Variants in RASAL1 observed in about 807,000 individuals in gnomAD.
RASAL1 encodes the protein RAS protein activator like 1.
RASAL1 carries 72 observed loss-of-function variants against 96.6 expected under a neutral mutation model. The observed-to-expected ratio is 0.75, with a 90% CI of 0.62 to 0.91. RASAL1 has a LOEUF of 0.91. Ranked by LOEUF, RASAL1 falls within the 40% of genes least tolerant of loss-of-function variation. The pLI, the probability that RASAL1 is intolerant of heterozygous loss-of-function variation, is 0.00. For synonymous variants in RASAL1, 405 were observed against 430.4 expected (o/e 0.94, Z 0.73); for missense variants, 1,016 against 1,072.5 (o/e 0.95, Z 0.74).
In RASAL1 at chr12:113,129,632, CAA is replaced by C. The variant is rs1951627810; in HGVS notation, c.122+1251_122+1252del. ...AAAGACACACCCACATTTGTGGATG[CAA>C]AGTTTGGTTCTCATACCTGTTGCTC... On this transcript the variant is annotated intron_variant, in intron 2 of 20. Transcript: ENST00000548055. This position sits in a 1 kb window ranked among gnomAD's most constrained non-coding sequence, Gnocchi z 5.0. Among the ~76,000 whole-genome samples, 1 of 152,186 alleles carries C rather than the reference CAA, an allele frequency of 6.6e-6. No individual in the cohort carries two copies.
intron 14 of RASAL1, chr12:113,107,496 G>A (rs1007290205): frequency 5.1e-5 from 30 of 585,128 alleles, no homozygotes; most frequent in Non-Finnish European, 4.2e-5. Flanking sequence ...GGTGGCTCAC[G>A]CCTGTAAATC....
chr12:113,127,885 C>T lies in RASAL1; in HGVS notation c.237-12G>A, dbSNP rs780575788. ...TGATGTCGTCGTGCCTGCAGGAAGG[C>T]GGGCACGTGAAGGTCTGAGTCAGGG... On this transcript the variant is annotated splice_polypyrimidine_tract_variant and intron_variant, in intron 3 of 20. Transcript: ENST00000548055. 9.3e-6 allele frequency: 15 copies of T among 1,612,472 alleles called. No homozygotes were observed. Among genetic ancestry groups the T allele is most frequent in the East Asian group, 4.5e-5 (2 of 44,826 alleles).
rs769890741 is a variant in RASAL1 at position 113,099,986 on chromosome 12, G to A, written c.2361C>T (p.His787=). ...LEVLADLDRA[H]EEFQQQERGK... ...CTCGCTCCTGCTGCTGGAACTCCTCGTGGGCACGATCCAGGTCTGCGAGCA... is the reference window on the plus strand; with the variant it reads ...CTCGCTCCTGCTGCTGGAACTCCTCATGGGCACGATCCAGGTCTGCGAGCA... The change falls in exon 21 of 21, where the codon CAC becomes CAT. Residue 787 remains histidine (H), a synonymous_variant. Coordinates refer to ENST00000548055, the MANE Select transcript of RASAL1 (RefSeq NM_001301202.2). The A allele has an allele frequency of 6.3e-5, 101 of 1,613,732 alleles. No homozygotes were observed. Among genetic ancestry groups the A allele is most frequent in the Middle Eastern group, 1.7e-4 (1 of 6,050 alleles).
At chr12:113,108,742 G>A (rs938257190) in intron 13 of RASAL1, among the ~76,000 whole-genome samples, 38 of 152,204 alleles carry the variant, frequency 2.5e-4, no homozygotes, top group African/African-American at 9.2e-4. Context: ...GGCCCAGCAA[G>A]GGAAAGTCCC....
intron 4 of RASAL1, among the ~76,000 whole-genome samples, chr12:113,124,412 G>A (rs760182919): frequency 6.6e-6 from 1 of 152,150 alleles, no homozygotes. Flanking sequence ...CATGCTTGCA[G>A]ACACATGGAC....
intron 12 of RASAL1, among the ~76,000 whole-genome samples, chr12:113,113,818 G>T (rs879351161): frequency 7.2e-5 from 11 of 152,140 alleles, no homozygotes; most frequent in Non-Finnish European, 1.2e-4. Context: ...CCCACGGAGG[G>T]GTGGAATGAC....
chr12:113,121,779 T>A, intron 4 of RASAL1, 141 bp from the exon 5 acceptor site: 1 of 1,008,516 alleles, frequency 9.9e-7, no homozygotes, highest in East Asian at 2.7e-5. Flanking sequence ...TGGAGTGCAG[T>A]GGCACAATTT....
In RASAL1 at chr12:113,108,199, A is replaced by G. The variant is rs2136130900; in HGVS notation, c.1398T>C (p.Ser466=). ...EHQDVKYLAI[S]GFLFLRFFAP... is the part of the protein sequence containing the mutation. ...CGAAGAATCGCAAGAAGAGAAATCCACTGATGGCCAGGTACTTCACATCCT... is the reference window on the plus strand; with the variant it reads ...CGAAGAATCGCAAGAAGAGAAATCCGCTGATGGCCAGGTACTTCACATCCT... The change falls in exon 14 of 21, where the codon AGT becomes AGC. Residue 466 remains serine (S), a synonymous_variant. Coordinates refer to ENST00000548055, the MANE Select transcript of RASAL1 (RefSeq NM_001301202.2). The G allele has an allele frequency of 6.2e-7, 1 of 1,612,918 alleles. No individual in the cohort carries two copies. Among genetic ancestry groups the G allele is most frequent in the Non-Finnish European group, 8.5e-7 (1 of 1,179,584 alleles).
chr12:113,101,571 C>A (rs1674100), intron 19 of RASAL1, among the ~76,000 whole-genome samples: 122,464 of 152,106 alleles, frequency 0.81, 49,351 homozygotes, highest in South Asian at 0.86. Context: ...GATCCTCATG[C>A]CAGGAAGGGG....
intron 2 of RASAL1, among the ~76,000 whole-genome samples, chr12:113,128,641 A>G (rs1335450105): frequency 2.0e-5 from 3 of 152,164 alleles, no homozygotes; most frequent in Non-Finnish European, 2.9e-5. Flanking sequence ...ATATGTGCAG[A>G]TACACACACA....
chr12:113,115,934 C>T lies in RASAL1; in HGVS notation c.849G>A (p.Glu283=). The change falls in exon 9 of 21, where the codon GAG becomes GAA. Residue 283 remains glutamate, a splice_region_variant and synonymous_variant. Transcript: ENST00000548055. The surrounding 1 kb of genome is among the most constrained non-coding windows in gnomAD (Gnocchi z 4.1). The part of the protein sequence containing the change: ...LLMESVQGPA[E]EDTASPLALL... ...AGCATTGCTTGCCTGACGCACCCAC[C>T]TCTGCTGGCCCCTGCACAGACTCCA... 6.3e-7 allele frequency: 1 copy of T among 1,590,612 alleles called. No homozygotes were observed. Among genetic ancestry groups the T allele is most frequent in the Middle Eastern group, 1.7e-4 (1 of 5,952 alleles).
chr12:113,127,132 TC>T (rs1353049482), intron 4 of RASAL1, among the ~76,000 whole-genome samples: 1 of 152,022 alleles, frequency 6.6e-6, no homozygotes, highest in Admixed American at 6.6e-5. Flanking sequence ...CAAGCGATCC[TC>T]CTGCCTCTGC....
At chr12:113,116,215 C>G (rs1027500959) in intron 8 of RASAL1, among the ~76,000 whole-genome samples, 164 bp from the exon 9 acceptor site, 2 of 152,044 alleles carry the variant, frequency 1.3e-5, no homozygotes, top group African/African-American at 4.8e-5. Flanking sequence ...ACTAAAAATA[C>G]AAAAATTAGC....
intron 18 of RASAL1, chr12:113,103,007 C>A: frequency 3.7e-6 from 1 of 273,780 alleles, no homozygotes; most frequent in Non-Finnish European, 7.2e-6. Flanking sequence ...TTAAGCAGCA[C>A]CTCCTCCAGG....
At position 113,124,641 on chromosome 12, in the gene RASAL1, C is replaced by G. The variant is rs955979347; in HGVS notation, c.299-3003G>C. On this transcript the variant is annotated intron_variant, in intron 4 of 20. Transcript: ENST00000548055. ...GGTTGGACTCTGATTTCTGAACCTT[C>G]TAGAAGGGGGAAGTCACCTCCCCTC... 5.3e-5 allele frequency among the ~76,000 whole-genome samples: 8 copies of G among 152,288 alleles called. No homozygotes were observed. In the East Asian group the frequency reaches 1.5e-3, roughly 29 times the overall value.
intron 5 of RASAL1, 147 bp downstream of exon 5, chr12:113,121,362 G>C: frequency 7.6e-7 from 1 of 1,321,760 alleles, no homozygotes; most frequent in Non-Finnish European, 1.0e-6. Flanking sequence ...AGTGAGCTTG[G>C]ACTGTTTGTC....
At chr12:113,124,767 T>A (rs1420006845) in intron 4 of RASAL1, among the ~76,000 whole-genome samples, 1 of 152,180 alleles carries the variant, frequency 6.6e-6, no homozygotes, top group East Asian at 1.9e-4. Flanking sequence ...TAGGCCCTCA[T>A]GAAATAGGAT....
chr12:113,134,418 A>C (rs1425350835), intron 1 of RASAL1, among the ~76,000 whole-genome samples: 1 of 152,112 alleles, frequency 6.6e-6, no homozygotes, highest in Non-Finnish European at 1.5e-5. Flanking sequence ...GCTCCTGCTC[A>C]CCTGGGCCAC....
At chr12:113,114,505 A>G (rs1481470600) in intron 12 of RASAL1, among the ~76,000 whole-genome samples, 2 of 152,040 alleles carry the variant, frequency 1.3e-5, no homozygotes, top group Non-Finnish European at 2.9e-5. Flanking sequence ...AAAGGAAAAG[A>G]AAAGAAGCAA....
Sources: gnomAD v4.1 joint callset for allele counts (sites outside exome capture counted in the v4.1 genomes callset) on GRCh38, gnomAD v4.1.1 for gene constraint, Gnocchi (gnomAD v3.1) non-coding constraint, MANE v1.5 for transcripts, NCBI Gene and HGNC (gene_info 2026-07-23, HGNC 2026-07-21) for gene names.